HMBOX1: variants seen among roughly 807,000 people sequenced by gnomAD.
HMBOX1 encodes homeobox-containing protein 1.
Under a neutral mutation model 54.5 loss-of-function variants are expected in HMBOX1, and 14 were observed. The observed-to-expected ratio is 0.26, with a 90% confidence interval of 0.17 to 0.40. The LOEUF (loss-of-function observed/expected upper bound fraction) is 0.40. HMBOX1 is among the 10% of genes least tolerant of loss of function. The pLI is 1.00. For missense variants in HMBOX1, 332 were observed against 514.4 expected (o/e 0.65, Z 3.43); for synonymous variants, 160 against 181.0 (o/e 0.88, Z 0.93).
intron 1 of HMBOX1, among the ~76,000 whole-genome samples, chr8:28,910,072 A>G (rs2131652063): frequency 6.6e-6 from 1 of 152,284 alleles, no homozygotes; most frequent in East Asian, 1.9e-4. Context: ...CCCCAGCTCC[A>G]GACAACCACC....
At chr8:29,042,032 G>A (rs1046075361) in intron 6 of HMBOX1, among the ~76,000 whole-genome samples, 1 of 152,104 alleles carries the variant, frequency 6.6e-6, no homozygotes, top group Non-Finnish European at 1.5e-5. Flanking sequence ...AGCAACTACT[G>A]TATCCCATCA....
chr8:28,934,282 TAAC>T (rs1025986072), intron 1 of HMBOX1, among the ~76,000 whole-genome samples: 10 of 152,122 alleles, frequency 6.6e-5, no homozygotes, highest in African/African-American at 2.4e-4. Flanking sequence ...AACCAAAACT[TAAC>T]AAACTAGGCA....
At chr8:29,023,657 C>G (rs1352975008) in intron 6 of HMBOX1, among the ~76,000 whole-genome samples, 3 of 152,186 alleles carry the variant, frequency 2.0e-5, no homozygotes, top group African/African-American at 7.2e-5. Flanking sequence ...CTGCCTCAGT[C>G]TCCTACAGTC....
chr8:28,924,736 C>T (rs1479003492), intron 1 of HMBOX1: 1 of 152,254 alleles, frequency 6.6e-6, no homozygotes, highest in African/African-American at 2.4e-5. Context: ...CCTCAGCTTC[C>T]TGAGTAGCTG....
intron 1 of HMBOX1, among the ~76,000 whole-genome samples, chr8:28,914,535 C>CA (rs1816151672): frequency 6.6e-6 from 1 of 152,190 alleles, no homozygotes; most frequent in Non-Finnish European, 1.5e-5. Context: ...TATCTGAACA[C>CA]ACGCCTTCAC....
chr8:28,990,086 A>G (rs1830761864), intron 4 of HMBOX1, among the ~76,000 whole-genome samples: 1 of 151,908 alleles, frequency 6.6e-6, no homozygotes, highest in Non-Finnish European at 1.5e-5. Context: ...GCTTTAAAAC[A>G]TTTTTTTTGT....
intron 1 of HMBOX1, among the ~76,000 whole-genome samples, chr8:28,937,691 G>A (rs1820645568): frequency 6.6e-6 from 1 of 152,176 alleles, no homozygotes; most frequent in African/African-American, 2.4e-5. Flanking sequence ...GTCCCCCTGT[G>A]TTAGAAAAGG....
At chr8:28,972,275 C>T (rs959489444) in intron 3 of HMBOX1, among the ~76,000 whole-genome samples, 21 of 152,078 alleles carry the variant, frequency 1.4e-4, no homozygotes, top group African/African-American at 3.6e-4. Flanking sequence ...TGCAGTGGTG[C>T]GATCTCGGCT....
intron 1 of HMBOX1, among the ~76,000 whole-genome samples, chr8:28,906,935 A>G (rs566691683): frequency 1.3e-5 from 2 of 152,340 alleles, no homozygotes; most frequent in East Asian, 3.9e-4. Flanking sequence ...TAATAATTCC[A>G]AAGTGATCAA....
At chr8:29,035,319 C>T (rs1435075368) in intron 6 of HMBOX1, among the ~76,000 whole-genome samples, 1 of 152,060 alleles carries the variant, frequency 6.6e-6, no homozygotes, top group African/African-American at 2.4e-5. Flanking sequence ...ATTGGTCAGT[C>T]GTGTCAGGTT....
chr8:29,046,248 A>G (rs972082826), intron 7 of HMBOX1: 3 of 152,256 alleles, frequency 2.0e-5, no homozygotes, highest in African/African-American at 7.2e-5. Context: ...ACACAAGTGA[A>G]AGGAATCTGT....
At chr8:29,000,839 G>GCAT (rs574102576) in intron 4 of HMBOX1, among the ~76,000 whole-genome samples, 2 of 152,296 alleles carry the variant, frequency 1.3e-5, no homozygotes, top group South Asian at 4.1e-4. Flanking sequence ...AGTGTGACAG[G>GCAT]CATGGGAGGA....
chr8:29,045,486 G>T (rs369456597), intron 7 of HMBOX1, 43 bp downstream of exon 7: 11 of 1,505,184 alleles, frequency 7.3e-6, no homozygotes, highest in African/African-American at 2.7e-5. Flanking sequence ...GCAGCACAGC[G>T]CTTGGTTACA....
At chr8:28,915,775 A>G (rs1239053576) in intron 1 of HMBOX1, 1 of 151,874 alleles carries the variant, frequency 6.6e-6, no homozygotes, top group East Asian at 2.0e-4. Context: ...GCTTTAGCAC[A>G]CTATAGCACA....
intron 6 of HMBOX1, among the ~76,000 whole-genome samples, chr8:29,039,206 T>G (rs923327454): frequency 2.0e-5 from 3 of 152,206 alleles, no homozygotes; most frequent in African/African-American, 7.2e-5. Flanking sequence ...CTTTGTCTGG[T>G]TCACCTTTGC....
chr8:28,998,936 A>G (rs1303808027), intron 4 of HMBOX1, among the ~76,000 whole-genome samples: 2 of 152,138 alleles, frequency 1.3e-5, no homozygotes, highest in Admixed American at 6.5e-5. Flanking sequence ...TATAAATTAC[A>G]TTTATATATT....
intron 3 of HMBOX1, among the ~76,000 whole-genome samples, chr8:28,978,204 C>T (rs1554553695): frequency 1.3e-5 from 2 of 152,170 alleles, no homozygotes; most frequent in Non-Finnish European, 2.9e-5. Context: ...GGTCTTACAA[C>T]AGAGTCCTTT....
At chr8:28,956,671 G>A (rs1015599848) in intron 1 of HMBOX1, among the ~76,000 whole-genome samples, 2 of 152,080 alleles carry the variant, frequency 1.3e-5, no homozygotes, top group African/African-American at 4.8e-5. Flanking sequence ...GCTCATTTGT[G>A]TGTGCGTTTC....
At position 29,051,753 on chromosome 8, in the gene HMBOX1, A is replaced by G. The variant is rs781678695; in HGVS notation, c.*598A>G. The stretch of plus-strand genomic sequence containing the variant: ...GTGCTGTGCTAAGAATGTCAATGGA[A>G]AAAGCCGATCTCAGATTTTGTTTGA... On this transcript the variant is annotated 3_prime_UTR_variant, in exon 10 of 10. Transcript: ENST00000287701. 17 of 591,978 alleles carry G rather than the reference A, an allele frequency of 2.9e-5. No homozygotes were observed. Among genetic ancestry groups the G allele is most frequent in the Non-Finnish European group, 4.7e-5 (15 of 322,060 alleles). 36.7% of individuals were successfully genotyped at this position (591,978 alleles called of 1,614,324 possible). A position where few individuals can be genotyped will look rare whatever the true frequency, so the allele number is the denominator to read the frequency against.
Sources: gnomAD v4.1 joint callset for allele counts (sites outside exome capture counted in the v4.1 genomes callset) on GRCh38, gnomAD v4.1.1 for gene constraint, MANE v1.5 for transcripts, NCBI Gene and HGNC (gene_info 2026-07-23, HGNC 2026-07-21) for gene names.